KCNH8: variants seen among roughly 807,000 people sequenced by gnomAD.
KCNH8 encodes potassium voltage-gated channel subfamily H member 8.
KCNH8 carries 70 observed loss-of-function variants against 103.6 expected under a neutral mutation model. That is an observed-to-expected ratio of 0.68 (90% CI 0.56 to 0.82). The LOEUF (loss-of-function observed/expected upper bound fraction) is 0.82, where lower values mean the gene tolerates loss of function less well. Ranked by LOEUF, KCNH8 falls within the 40% of genes least tolerant of loss-of-function variation. KCNH8 has a pLI of 0.00. For missense variants in KCNH8, 1,217 were observed against 1,329.9 expected, an observed-to-expected ratio of 0.92 and a Z score of 1.32; for synonymous variants, 498 against 489.4, an observed-to-expected ratio of 1.02 and a Z score of -0.23.
Position 19,201,770 on chromosome 3 carries a change from A to G in KCNH8, c.77-51884A>G, listed in dbSNP as rs186937459. 6.3e-3 allele frequency among the ~76,000 whole-genome samples: 963 copies of G among 152,180 alleles called. 13 individuals carry two copies. Among genetic ancestry groups the G allele is most frequent in the African/African-American group, 0.021 (862 of 41,550 alleles). ...GACAGAATAAGTACATGGTATCTCA[A>G]CTCACTCACATGAAGACATGAGTTT... On this transcript the variant is annotated intron_variant, in intron 1 of 15. Coordinates refer to ENST00000328405, the MANE Select transcript of KCNH8 (RefSeq NM_144633.3).
chr3:19,396,471 G>C (rs530747099), intron 7 of KCNH8, among the ~76,000 whole-genome samples: 1 of 152,104 alleles, frequency 6.6e-6, no homozygotes, highest in South Asian at 2.1e-4. Context: ...TTATTTCTGA[G>C]CTACACAAAA....
intron 3 of KCNH8, among the ~76,000 whole-genome samples, chr3:19,293,621 T>C (rs1165308454): frequency 6.6e-6 from 1 of 152,210 alleles, no homozygotes; most frequent in Non-Finnish European, 1.5e-5. Flanking sequence ...CCATCCAGAT[T>C]AAGCTAATTC....
intron 1 of KCNH8, among the ~76,000 whole-genome samples, chr3:19,202,818 T>G (rs1328882280): frequency 6.6e-6 from 1 of 152,170 alleles, no homozygotes; most frequent in Non-Finnish European, 1.5e-5. Flanking sequence ...TGTTAGGTAC[T>G]AAATTTATAG....
At chr3:19,227,993 A>C (rs775037597) in intron 1 of KCNH8, among the ~76,000 whole-genome samples, 2 of 152,154 alleles carry the variant, frequency 1.3e-5, no homozygotes, top group Non-Finnish European at 2.9e-5. Flanking sequence ...AGCGAGGTAT[A>C]GGTTATCATT....
At chr3:19,255,908 C>G (rs1253893169) in intron 2 of KCNH8, among the ~76,000 whole-genome samples, 1 of 152,106 alleles carries the variant, frequency 6.6e-6, no homozygotes, top group Non-Finnish European at 1.5e-5. Context: ...ATAGAAGGAA[C>G]CTGGGTATGT....
chr3:19,165,437 C>A (rs2063273867), intron 1 of KCNH8, among the ~76,000 whole-genome samples: 2 of 151,986 alleles, frequency 1.3e-5, no homozygotes, highest in African/African-American at 4.8e-5. Flanking sequence ...ATAATACAAA[C>A]CTATTATTTT....
intron 7 of KCNH8, among the ~76,000 whole-genome samples, chr3:19,407,157 A>G (rs1368976895): frequency 6.6e-6 from 1 of 152,174 alleles, no homozygotes; most frequent in African/African-American, 2.4e-5. Context: ...AAGCCCAAAC[A>G]TAGTATTTTT....
chr3:19,391,026 G>A (rs1399224415), intron 6 of KCNH8, among the ~76,000 whole-genome samples: 1 of 151,754 alleles, frequency 6.6e-6, no homozygotes, highest in Non-Finnish European at 1.5e-5. Context: ...CTGCTTGTAT[G>A]ACCCTTAACT....
intron 15 of KCNH8, among the ~76,000 whole-genome samples, chr3:19,526,608 G>T (rs1452062131): frequency 1.3e-5 from 2 of 151,834 alleles, no homozygotes; most frequent in Admixed American, 6.6e-5. Context: ...CACTGACAAC[G>T]CATGGTGTTA....
At chr3:19,482,242 T>C (rs373611911) in intron 11 of KCNH8, among the ~76,000 whole-genome samples, 1 of 152,178 alleles carries the variant, frequency 6.6e-6, no homozygotes. Flanking sequence ...AGGTCAGGGG[T>C]CAGTCTTTAA....
intron 5 of KCNH8, among the ~76,000 whole-genome samples, chr3:19,388,367 C>T (rs1050475021): frequency 6.6e-5 from 10 of 151,934 alleles, no homozygotes; most frequent in African/African-American, 2.2e-4. Flanking sequence ...ATTGCTAATG[C>T]GGAAGTACCT....
intron 1 of KCNH8, among the ~76,000 whole-genome samples, chr3:19,169,351 C>G (rs1333245882): frequency 1.3e-5 from 2 of 151,556 alleles, no homozygotes; most frequent in African/African-American, 4.9e-5. Context: ...CTCCGCCTCC[C>G]GGGTTCACGC....
rs148824314 is a variant in KCNH8, at chr3:19,278,620, C to A, written c.311-2578C>A. Reference sequence around the variant, plus strand: ...AGTTTTTATGCCCTTTACACTGTTTCTCTCATAAACTTTTTTGTCATATAG... The same window carrying A: ...AGTTTTTATGCCCTTTACACTGTTTATCTCATAAACTTTTTTGTCATATAG... On this transcript the variant is annotated intron_variant, in intron 2 of 15. Coordinates refer to ENST00000328405, the MANE Select transcript of KCNH8 (RefSeq NM_144633.3). 5.7e-3 allele frequency among the ~76,000 whole-genome samples: 873 copies of A among 152,126 alleles called. 4 individuals are homozygous for A. Among genetic ancestry groups the A allele is most frequent in the Middle Eastern group, 0.01 (3 of 294 alleles).
rs529394054 is a variant in KCNH8, at chr3:19,498,245, T to A, written c.2041-12118T>A. On this transcript the variant is annotated intron_variant, in intron 11 of 15. Coordinates refer to ENST00000328405, the MANE Select transcript of KCNH8 (RefSeq NM_144633.3). ...GCATTTAGCGCATTTACATTCCAAG[T>A]TAACATTTATATGTGTGGATTTGAT... Among the ~76,000 whole-genome samples, 7 of 152,366 alleles carry A rather than the reference T, an allele frequency of 4.6e-5. No homozygotes were observed. In the South Asian group the frequency reaches 1.4e-3, roughly 32 times the overall value.
At chr3:19,461,708 G>A (rs1192825696) in intron 11 of KCNH8, among the ~76,000 whole-genome samples, 1 of 152,128 alleles carries the variant, frequency 6.6e-6, no homozygotes, top group South Asian at 2.1e-4. Flanking sequence ...GGGTACATGT[G>A]CACAACGTGC....
intron 3 of KCNH8, among the ~76,000 whole-genome samples, chr3:19,336,161 G>A (rs1470358476): frequency 6.6e-6 from 1 of 151,232 alleles, no homozygotes; most frequent in Non-Finnish European, 1.5e-5. Flanking sequence ...CATGTATTTT[G>A]TAATAGATAC....
chr3:19,379,609 C>T (rs1286653318), intron 5 of KCNH8, among the ~76,000 whole-genome samples: 2 of 151,302 alleles, frequency 1.3e-5, no homozygotes, highest in Non-Finnish European at 2.9e-5. Context: ...CACTGCACTC[C>T]AGCCTGGTGA....
At chr3:19,418,105 G>C (rs1275341205) in intron 7 of KCNH8, among the ~76,000 whole-genome samples, 1 of 152,158 alleles carries the variant, frequency 6.6e-6, no homozygotes, top group Non-Finnish European at 1.5e-5. Flanking sequence ...ATTTGAACTG[G>C]GCTTCAAAAG....
chr3:19,365,625 A>G (rs1047329808), intron 5 of KCNH8, among the ~76,000 whole-genome samples: 3 of 152,092 alleles, frequency 2.0e-5, no homozygotes, highest in African/African-American at 4.8e-5. Flanking sequence ...CTGAGTGCCT[A>G]TCATTTGCCA....
Sources: gnomAD v4.1 joint callset for allele counts (sites outside exome capture counted in the v4.1 genomes callset) on GRCh38, gnomAD v4.1.1 for gene constraint, MANE v1.5 for transcripts, NCBI Gene and HGNC (gene_info 2026-07-23, HGNC 2026-07-21) for gene names.